Variants in PKP1 observed in about 807,000 individuals in gnomAD.
PKP1 encodes plakophilin-1.
A neutral mutation model predicts 76.4 loss-of-function variants in PKP1; 27 were observed. The observed-to-expected ratio is 0.35, with a 90% CI of 0.26 to 0.49. The LOEUF is 0.49. PKP1 is among the 20% of genes least tolerant of loss of function. PKP1 has a pLI of 0.99. For synonymous variants in PKP1, 404 were observed against 384.2 expected, an observed-to-expected ratio of 1.05 and a Z score of -0.60; for missense variants, 964 against 955.2, an observed-to-expected ratio of 1.01 and a Z score of -0.12.
At chr1:201,320,203 C>A in intron 6 of PKP1, 64 bp from the exon 7 acceptor site, 1 of 1,009,974 alleles carries the variant, frequency 9.9e-7, no homozygotes, top group Non-Finnish European at 1.5e-6. Flanking sequence ...ACTCTCTTGT[C>A]CCCACCTTCC....
Position 201,316,347 on chromosome 1 carries a change from C to T in PKP1, c.702-206C>T. On this transcript the variant is annotated intron_variant, in intron 3 of 13. Transcript: ENST00000367324. ...AGGGGCTCACTATTCTCACATGGGGCAAATCCAGTGGGTGTAGCCTTCCCT... is the reference window on the plus strand; with the variant it reads ...AGGGGCTCACTATTCTCACATGGGGTAAATCCAGTGGGTGTAGCCTTCCCT... 5 of 592,588 alleles carry T rather than the reference C, an allele frequency of 8.4e-6. No individual in the cohort carries two copies. The South Asian group carries it at 1.0e-4, about 12-fold the overall frequency. The allele number at this position is 592,588 out of a possible 1,614,324, so 36.7% of individuals were successfully genotyped here. A position where few individuals can be genotyped will look rare whatever the true frequency, so the allele number is the denominator to read the frequency against.
At chr1:201,323,962 G>A (rs896700442) in intron 9 of PKP1, among the ~76,000 whole-genome samples, 2 of 152,170 alleles carry the variant, frequency 1.3e-5, no homozygotes, top group Non-Finnish European at 2.9e-5. Context: ...TCTTTTCTCA[G>A]GCAAGCCCTC....
chr1:201,292,008 G>A (rs1655928317), intron 1 of PKP1, among the ~76,000 whole-genome samples: 1 of 152,220 alleles, frequency 6.6e-6, no homozygotes, highest in Non-Finnish European at 1.5e-5. Flanking sequence ...GAGCTTGGAG[G>A]AAGCCAGAGG....
intron 9 of PKP1, 66 bp downstream of exon 9, chr1:201,323,255 C>G: frequency 6.8e-7 from 1 of 1,461,038 alleles, no homozygotes; most frequent in Non-Finnish European, 9.6e-7. Flanking sequence ...AGCCTCTGCT[C>G]CCTCCTTTTC....
chr1:201,316,291 T>C (rs892897631), intron 3 of PKP1: 6 of 487,330 alleles, frequency 1.2e-5, no homozygotes, highest in East Asian at 3.4e-5. Context: ...AGTGGAGAGA[T>C]AACATACCTG....
At position 201,323,013 on chromosome 1, in the gene PKP1, A is replaced by G. The variant is rs1005514362; in HGVS notation, c.1504A>G (p.Asn502Asp). 11 of 1,613,812 alleles carry G rather than the reference A, an allele frequency of 6.8e-6. No individual in the cohort carries two copies. Among genetic ancestry groups the G allele is most frequent in the Non-Finnish European group, 9.3e-6 (11 of 1,179,902 alleles). Residue 502 changes from asparagine (N) to aspartate (D), a missense_variant and splice_region_variant, in exon 9 of 14, where the codon AAC (asparagine) becomes GAC (aspartate). By Grantham distance (23) the Asn-to-Asp change is conservative (BLOSUM62 1). Coordinates refer to ENST00000367324, the MANE Select transcript of PKP1 (RefSeq NM_001005337.3). Reference protein sequence around the residue: ...CFSNKSDKMMNNNYDCPLPEE... With the variant: ...CFSNKSDKMMDNNYDCPLPEE... ...CCCCTGACCGGCTCTTTATCCTCAGAACAACAACTATGACTGCCCCCTGCC... is the reference window on the plus strand; with the variant it reads ...CCCCTGACCGGCTCTTTATCCTCAGGACAACAACTATGACTGCCCCCTGCC...
intron 8 of PKP1, 118 bp downstream of exon 8, chr1:201,322,251 G>C: frequency 8.9e-7 from 1 of 1,127,704 alleles, no homozygotes. Context: ...CTAAGGGACA[G>C]GCCCATGCTG....
intron 2 of PKP1, among the ~76,000 whole-genome samples, chr1:201,300,990 G>A (rs988256241): frequency 5.3e-5 from 8 of 152,164 alleles, no homozygotes; most frequent in African/African-American, 1.7e-4. Context: ...CCCCTGCAAG[G>A]AGGGCAACTG....
chr1:201,321,980 T>G lies in PKP1; in HGVS notation c.1350T>G (p.Ser450=). 1 of 1,614,040 alleles carries G rather than the reference T, an allele frequency of 6.2e-7. No homozygotes were observed. The highest frequency in any genetic ancestry group is 8.5e-7 in the Non-Finnish European group (1 of 1,179,988). Residue 450 remains serine (S), a splice_region_variant and synonymous_variant, in exon 8 of 14, where the codon TCT becomes TCG. Coordinates refer to ENST00000367324, the MANE Select transcript of PKP1 (RefSeq NM_001005337.3). ...CCATGCCTCTCCTTGGTCCCCAGTC[T>G]GTGGAAAACTGCATGTGTGTTCTGC... ...CVAASRCDDK[S]VENCMCVLHN...
chr1:201,322,917 A>T, intron 8 of PKP1, 96 bp from the exon 9 acceptor site: 1 of 1,358,314 alleles, frequency 7.4e-7, no homozygotes, highest in South Asian at 1.3e-5. Flanking sequence ...ATCTGGAACC[A>T]CGACCCTGAG....
intron 8 of PKP1, among the ~76,000 whole-genome samples, 182 bp downstream of exon 8, chr1:201,322,315 A>G (rs375144589): frequency 4.6e-5 from 7 of 152,152 alleles, no homozygotes; most frequent in Non-Finnish European, 7.3e-5. Context: ...GAGGCCATTC[A>G]TCTTGCACAA....
At chr1:201,309,006 CT>C (rs1165563030) in intron 2 of PKP1, among the ~76,000 whole-genome samples, 1 of 152,042 alleles carries the variant, frequency 6.6e-6, no homozygotes, top group Non-Finnish European at 1.5e-5. Flanking sequence ...GATGCCATCT[CT>C]TTTTGAATGG....
intron 2 of PKP1, among the ~76,000 whole-genome samples, chr1:201,305,960 C>A (rs367947500): frequency 3.9e-5 from 6 of 152,334 alleles, no homozygotes; most frequent in Non-Finnish European, 5.9e-5. Flanking sequence ...AATGACCATG[C>A]CTTCCACTTC....
intron 7 of PKP1, among the ~76,000 whole-genome samples, chr1:201,320,644 C>G (rs182440664): frequency 2.0e-5 from 3 of 152,340 alleles, no homozygotes; most frequent in Admixed American, 2.0e-4. Flanking sequence ...ACTCTTCACT[C>G]TAATGGAAAG....
intron 1 of PKP1, among the ~76,000 whole-genome samples, chr1:201,285,761 G>A (rs1655714379): frequency 1.3e-5 from 2 of 152,234 alleles, no homozygotes; most frequent in African/African-American, 4.8e-5. Context: ...CTGAGTGTCT[G>A]TCAGCAAGAA....
intron 2 of PKP1, among the ~76,000 whole-genome samples, chr1:201,312,221 A>G (rs1656576650): frequency 3.9e-5 from 6 of 152,266 alleles, no homozygotes; most frequent in Admixed American, 2.6e-4. Flanking sequence ...GTGACCTGTT[A>G]CCCTTTGCTT....
At chr1:201,301,799 C>T (rs1266567682) in intron 2 of PKP1, among the ~76,000 whole-genome samples, 4 of 151,690 alleles carry the variant, frequency 2.6e-5, no homozygotes, top group South Asian at 2.1e-4. Context: ...AAAGTCCTTA[C>T]GCTATAGTTG....
intron 3 of PKP1, among the ~76,000 whole-genome samples, chr1:201,315,701 A>G (rs1182669113): frequency 6.6e-6 from 1 of 152,222 alleles, no homozygotes; most frequent in African/African-American, 2.4e-5. Context: ...TTTATGGCTG[A>G]AAAAAGGTTG....
chr1:201,326,639 G>A (rs1657135639), intron 12 of PKP1, among the ~76,000 whole-genome samples: 1 of 152,198 alleles, frequency 6.6e-6, no homozygotes, highest in African/African-American at 2.4e-5. Flanking sequence ...GGGAGTAAGA[G>A]GGGTCCCAAT....
Sources: gnomAD v4.1 joint callset for allele counts (sites outside exome capture counted in the v4.1 genomes callset) on GRCh38, gnomAD v4.1.1 for gene constraint, MANE v1.5 for transcripts, NCBI Gene and HGNC (gene_info 2026-07-23, HGNC 2026-07-21) for gene names.